Variants in CNTNAP4 observed in about 807,000 individuals in gnomAD.
CNTNAP4 encodes contactin associated protein family member 4, also known as contactin-associated protein-like 4.
Under a neutral mutation model 148.4 loss-of-function variants are expected in CNTNAP4, and 98 were observed. That is an observed-to-expected ratio of 0.66 (90% CI 0.56 to 0.78). The LOEUF (loss-of-function observed/expected upper bound fraction) is 0.78. Among genes scored for constraint, CNTNAP4 ranks in the 30% least tolerant of loss-of-function variants. The probability of loss-of-function intolerance (pLI) is 0.00; values close to 1 mark genes in which losing one functional copy is unlikely to be tolerated. For synonymous variants in CNTNAP4, 730 were observed against 565.1 expected (o/e 1.29, Z -4.14); for missense variants, 1,935 against 1,565.6 (o/e 1.24, Z -3.98).
At chr16:76,495,110 A>T (rs1462431897) in intron 14 of CNTNAP4, 44 bp downstream of exon 14, 1 of 1,602,450 alleles carries the variant, frequency 6.2e-7, no homozygotes, top group Non-Finnish European at 8.5e-7. Flanking sequence ...AGTTCATTTA[A>T]AAAAATTAAT....
At chr16:76,475,655 C>T (rs1248147629) in intron 10 of CNTNAP4, among the ~76,000 whole-genome samples, 3 of 152,174 alleles carry the variant, frequency 2.0e-5, no homozygotes, top group South Asian at 4.1e-4. Context: ...TTTCTGCCAA[C>T]ATATTGAATT....
intron 2 of CNTNAP4, among the ~76,000 whole-genome samples, chr16:76,350,289 A>G (rs920637130): frequency 1.3e-5 from 2 of 152,174 alleles, no homozygotes; most frequent in African/African-American, 4.8e-5. Flanking sequence ...CACCTGCACT[A>G]AAGTATTTGC....
rs150953245 is a variant in CNTNAP4 at position 76,315,755 on chromosome 16, C to T, written c.86-658C>T. 2.6e-5 allele frequency among the ~76,000 whole-genome samples: 4 copies of T among 152,032 alleles called. No individual in the cohort carries two copies. In the East Asian group the frequency reaches 5.8e-4, roughly 22 times the overall value. On this transcript the variant is annotated intron_variant, in intron 1 of 23. Coordinates refer to ENST00000611870, the MANE Select transcript of CNTNAP4 (RefSeq NM_033401.5). ...GACTACAGGCGTGTGCCACCACACCCTGCTAATTTTTTTATTTCTGGTAGA... is the reference window on the plus strand; with the variant it reads ...GACTACAGGCGTGTGCCACCACACCTTGCTAATTTTTTTATTTCTGGTAGA...
chr16:76,438,244 C>T (rs1040714985), intron 4 of CNTNAP4, among the ~76,000 whole-genome samples: 2 of 152,014 alleles, frequency 1.3e-5, no homozygotes, highest in African/African-American at 4.8e-5. Context: ...GATCCTTGGC[C>T]AATTCTTGTA....
rs1157189430 is a variant in CNTNAP4 at position 76,508,646 on chromosome 16, C to T, written c.2365+9952C>T. ...TTCAAAAGGTTTTCACTTTGGAACC[C>T]TGATAGTTGTCAGGACCATGGTATC... On this transcript the variant is annotated intron_variant, in intron 15 of 23. Transcript: ENST00000611870. 2.1e-5 allele frequency among the ~76,000 whole-genome samples: 2 copies of T among 95,180 alleles called. 1 individual carries two copies. Among genetic ancestry groups the T allele is most frequent in the Admixed American group, 2.1e-4 (2 of 9,640 alleles). The allele number at this position is 95,180 out of a possible 152,430, so 62.4% of individuals were successfully genotyped here.
chr16:76,412,354 G>T (rs1789818280), intron 3 of CNTNAP4, among the ~76,000 whole-genome samples: 1 of 151,162 alleles, frequency 6.6e-6, no homozygotes. Context: ...ATTTTGCGCT[G>T]GGTACATCAT....
intron 15 of CNTNAP4, among the ~76,000 whole-genome samples, chr16:76,508,129 G>C (rs2082893875): frequency 1.0e-5 from 1 of 97,118 alleles, no homozygotes; most frequent in African/African-American, 2.6e-5. Flanking sequence ...ATTACCTATT[G>C]CACAAAAGAT....
chr16:76,282,943 C>T (rs1314617439), intron 1 of CNTNAP4, among the ~76,000 whole-genome samples: 1 of 151,294 alleles, frequency 6.6e-6, no homozygotes, highest in Non-Finnish European at 1.5e-5. Context: ...TTTAGTGCTT[C>T]AGCTTTAAAT....
intron 14 of CNTNAP4, 118 bp from the exon 15 acceptor site, chr16:76,498,449 A>G: frequency 1.5e-6 from 1 of 660,280 alleles, no homozygotes; most frequent in Admixed American, 3.1e-5. Context: ...TGCTCCGATG[A>G]GTGACTGGAT....
chr16:76,365,069 A>T (rs2013945997), intron 3 of CNTNAP4, among the ~76,000 whole-genome samples: 1 of 152,066 alleles, frequency 6.6e-6, no homozygotes, highest in South Asian at 2.1e-4. Flanking sequence ...TGAGGAAGGG[A>T]TTCAGTTTCA....
chr16:76,522,740 T>C lies in CNTNAP4; in HGVS notation c.2755+483T>C, dbSNP rs554926716. Among the ~76,000 whole-genome samples the C allele has an allele frequency of 2.8e-4, 28 of 99,946 alleles. 1 individual carries two copies. The highest frequency in any genetic ancestry group is 1.0e-3 in the South Asian group (3 of 2,888). 65.6% of individuals were successfully genotyped at this position (99,946 alleles called of 152,430 possible). A position where few individuals can be genotyped will look rare whatever the true frequency, so the allele number is the denominator to read the frequency against. ...TCTTTTCTTTTCTTTTCTTTTCTTT[T>C]CTTTTCTTTTCTTTTCTTTTCTTTT... is the stretch of plus-strand genomic sequence containing the variant. On this transcript the variant is annotated intron_variant, in intron 17 of 23. Transcript: ENST00000611870.
intron 17 of CNTNAP4, among the ~76,000 whole-genome samples, chr16:76,534,843 C>T (rs949788118): frequency 6.6e-6 from 1 of 152,188 alleles, no homozygotes; most frequent in African/African-American, 2.4e-5. Context: ...ACATTGTAGA[C>T]CTCTTCAAGG....
chr16:76,284,428 C>A (rs1454190943), intron 1 of CNTNAP4, among the ~76,000 whole-genome samples: 1 of 151,902 alleles, frequency 6.6e-6, no homozygotes, highest in East Asian at 1.9e-4. Context: ...AAAGAAATGC[C>A]CCAAACCTCA....
intron 4 of CNTNAP4, among the ~76,000 whole-genome samples, chr16:76,441,276 C>CATGTAT (rs2080028855): frequency 6.6e-6 from 1 of 152,096 alleles, no homozygotes; most frequent in African/African-American, 2.4e-5. Flanking sequence ...ACAGAAAGCT[C>CATGTAT]TCCATAAATA....
At chr16:76,326,811 G>T (rs988732192) in intron 2 of CNTNAP4, among the ~76,000 whole-genome samples, 1 of 151,700 alleles carries the variant, frequency 6.6e-6, no homozygotes, top group African/African-American at 2.4e-5. Flanking sequence ...GGGTGGGGGT[G>T]GGGGAGAGGG....
chr16:76,432,099 T>C (rs1210171638), intron 4 of CNTNAP4, among the ~76,000 whole-genome samples: 1 of 152,166 alleles, frequency 6.6e-6, no homozygotes, highest in Non-Finnish European at 1.5e-5. Context: ...GATCGACTAC[T>C]CATGTCTTGA....
intron 2 of CNTNAP4, among the ~76,000 whole-genome samples, chr16:76,337,776 C>G (rs549976655): frequency 4.6e-5 from 7 of 152,104 alleles, no homozygotes; most frequent in African/African-American, 1.7e-4. Context: ...CGTCCATAGA[C>G]CTACCCCTGG....
chr16:76,310,144 G>A (rs979911171), intron 1 of CNTNAP4, among the ~76,000 whole-genome samples: 1 of 151,966 alleles, frequency 6.6e-6, no homozygotes, highest in African/African-American at 2.4e-5. Context: ...TGCCATTTGT[G>A]TATTCAGTCT....
At chr16:76,384,518 G>C (rs2016317844) in intron 3 of CNTNAP4, among the ~76,000 whole-genome samples, 1 of 152,172 alleles carries the variant, frequency 6.6e-6, no homozygotes, top group South Asian at 2.1e-4. Context: ...CTCTGATAAA[G>C]TGCCATGTAG....
Sources: gnomAD v4.1 joint callset for allele counts (sites outside exome capture counted in the v4.1 genomes callset) on GRCh38, gnomAD v4.1.1 for gene constraint, MANE v1.5 for transcripts, NCBI Gene and HGNC (gene_info 2026-07-23, HGNC 2026-07-21) for gene names.